The following ANGPT4 variants were observed in gnomAD, a reference collection of about 807,000 sequenced individuals.
ANGPT4 encodes angiopoietin-4.
In ANGPT4, 50 loss-of-function variants were observed where a neutral mutation model predicts 53.0. The observed-to-expected ratio is 0.94, with a 90% CI of 0.75 to 1.20. ANGPT4 has a LOEUF of 1.20. ANGPT4 is among the 50% of genes most tolerant of loss of function. The pLI, the probability that ANGPT4 is intolerant of heterozygous loss-of-function variation, is 0.00. For synonymous variants in ANGPT4, 251 were observed against 259.7 expected (o/e 0.97, Z 0.32); for missense variants, 648 against 637.1 (o/e 1.02, Z -0.18).
In ANGPT4 at chr20:879,738, C is replaced by G; in HGVS notation, c.1053+9G>C. ...GCAGAATGGCCCCTCCCCAAGGCAG[C>G]AGGGCTACCTGTTTGTAATCCTTCC... is the stretch of plus-strand genomic sequence containing the variant. On this transcript the variant is annotated intron_variant, in intron 6 of 8. Coordinates refer to ENST00000381922, the MANE Select transcript of ANGPT4 (RefSeq NM_015985.4). 1 of 1,611,148 alleles carries G rather than the reference C, an allele frequency of 6.2e-7. No homozygotes were observed. Among genetic ancestry groups the G allele is most frequent in the East Asian group, 2.2e-5 (1 of 44,734 alleles).
Position 871,706 on chromosome 20 carries a change from T to G in ANGPT4, c.*1254A>C, listed in dbSNP as rs1980948291. ...GACAGATGTCCTGCCTAACAGTCCC[T>G]GTAATTGAGCCTGGGGGAGTTGAGG... On this transcript the variant is annotated 3_prime_UTR_variant, in exon 9 of 9. Transcript: ENST00000381922. 1 of 152,174 alleles carries G rather than the reference T, an allele frequency of 6.6e-6. No individual in the cohort carries two copies. Among genetic ancestry groups the G allele is most frequent in the Non-Finnish European group, 1.5e-5 (1 of 68,044 alleles). 9.4% of individuals were successfully genotyped at this position (152,174 alleles called of 1,614,324 possible). A position where few individuals can be genotyped will look rare whatever the true frequency, so the allele number is the denominator to read the frequency against.
At position 911,855 on chromosome 20, in the gene ANGPT4, G is replaced by C. The variant is rs1407070744; in HGVS notation, c.309+4051C>G. On this transcript the variant is annotated intron_variant, in intron 1 of 8. Coordinates refer to ENST00000381922, the MANE Select transcript of ANGPT4 (RefSeq NM_015985.4). This position sits in a 1 kb window ranked among gnomAD's most constrained non-coding sequence, Gnocchi z 4.9. ...GAGAGGGAGAGAGGGACAGAGAGAG[G>C]GAGAGAGAGACAGAGAGAGGGAGAA... Among the ~76,000 whole-genome samples the C allele has an allele frequency of 1.3e-5, 1 of 74,074 alleles. No homozygotes were observed. The highest frequency in any genetic ancestry group is 3.6e-5 in the Non-Finnish European group (1 of 27,842). The allele number at this position is 74,074 out of a possible 152,430, so 48.6% of individuals were successfully genotyped here.
chr20:889,913 A>G (rs6086361), intron 2 of ANGPT4, among the ~76,000 whole-genome samples: 20,225 of 152,178 alleles, frequency 0.13, 2,070 homozygotes, highest in African/African-American at 0.28. Context: ...GCACATTGTA[A>G]GTCCTCTGAG....
intron 2 of ANGPT4, among the ~76,000 whole-genome samples, chr20:888,913 A>G (rs117579986): frequency 6.6e-6 from 1 of 152,160 alleles, no homozygotes; most frequent in South Asian, 2.1e-4. Flanking sequence ...GAAATGCCCC[A>G]GTTCTCACCA....
intron 1 of ANGPT4, among the ~76,000 whole-genome samples, chr20:912,969 G>A (rs1982763583): frequency 6.6e-6 from 1 of 152,104 alleles, no homozygotes; most frequent in Non-Finnish European, 1.5e-5. Context: ...TTCCCTCTCT[G>A]GCCTGTTTCC....
Position 872,890 on chromosome 20 carries a change from G to C in ANGPT4, c.*70C>G. On this transcript the variant is annotated 3_prime_UTR_variant, in exon 9 of 9. Coordinates refer to ENST00000381922, the MANE Select transcript of ANGPT4 (RefSeq NM_015985.4). ...GCGGTGGCACAGTGTCTTGCATCTG[G>C]GTCCAGGTTGTCCAGGAGTGCCAAG... is the stretch of plus-strand genomic sequence containing the variant. The C allele has an allele frequency of 1.3e-6, 2 of 1,583,616 alleles. No individual in the cohort carries two copies. Among genetic ancestry groups the C allele is most frequent in the Non-Finnish European group, 1.7e-6 (2 of 1,160,610 alleles).
chr20:896,059 G>A (rs1590871), intron 1 of ANGPT4, among the ~76,000 whole-genome samples: 75,442 of 151,876 alleles, frequency 0.5, 21,971 homozygotes, highest in African/African-American at 0.8. Flanking sequence ...TCATACCTCA[G>A]TAAAAAACAA....
intron 1 of ANGPT4, among the ~76,000 whole-genome samples, chr20:894,869 T>G (rs1255353152): frequency 6.6e-6 from 1 of 152,148 alleles, no homozygotes; most frequent in Admixed American, 6.5e-5. Context: ...TCAGGGCAGC[T>G]CAGGGTCCCC....
At chr20:875,032 C>CTT (rs199898878) in intron 7 of ANGPT4, among the ~76,000 whole-genome samples, 1 of 148,410 alleles carries the variant, frequency 6.7e-6, no homozygotes, top group African/African-American at 2.5e-5. Flanking sequence ...GTTTCTTTTT[C>CTT]TTTCTTTTTT....
rs1285649484 is a variant in ANGPT4 at position 911,079 on chromosome 20, T to C, written c.309+4827A>G. Among the ~76,000 whole-genome samples, 3 of 151,688 alleles carry C rather than the reference T, an allele frequency of 2.0e-5. No homozygotes were observed. In the South Asian group the frequency reaches 6.3e-4, roughly 32 times the overall value. ...ACTGAAGGCTGAAAATGCCAAGAATTTGTGGGCAGCCTGGGAAGGCTGGGG... is the reference window on the plus strand; with the variant it reads ...ACTGAAGGCTGAAAATGCCAAGAATCTGTGGGCAGCCTGGGAAGGCTGGGG... On this transcript the variant is annotated intron_variant, in intron 1 of 8. Coordinates refer to ENST00000381922, the MANE Select transcript of ANGPT4 (RefSeq NM_015985.4). This position sits in a 1 kb window ranked among gnomAD's most constrained non-coding sequence, Gnocchi z 4.9.
At chr20:878,398 C>T in intron 6 of ANGPT4, 71 bp from the exon 7 acceptor site, 1 of 1,471,658 alleles carries the variant, frequency 6.8e-7, no homozygotes, top group Admixed American at 2.0e-5. Flanking sequence ...AGGAGCTGGG[C>T]TGGGCCAGGC....
intron 6 of ANGPT4, 61 bp from the exon 7 acceptor site, chr20:878,388 AG>A: frequency 6.5e-7 from 1 of 1,529,798 alleles, no homozygotes; most frequent in South Asian, 1.2e-5. Context: ...TCCCTGGCTG[AG>A]GAGCTGGGCT....
rs1219837672 is a variant in ANGPT4 at position 914,729 on chromosome 20, G to C, written c.309+1177C>G. ...CCCTTTCCTTGGTAGCTCTCACTTA[G>C]GGACTCTGAAGAGTCCCATCTCAGA... On this transcript the variant is annotated intron_variant, in intron 1 of 8. Coordinates refer to ENST00000381922, the MANE Select transcript of ANGPT4 (RefSeq NM_015985.4). This position sits in a 1 kb window ranked among gnomAD's most constrained non-coding sequence, Gnocchi z 5.0. 2.0e-5 allele frequency among the ~76,000 whole-genome samples: 3 copies of C among 152,046 alleles called. No homozygotes were observed. Among genetic ancestry groups the C allele is most frequent in the Non-Finnish European group, 2.9e-5 (2 of 67,978 alleles).
intron 6 of ANGPT4, 74 bp downstream of exon 6, chr20:879,673 G>A: frequency 7.7e-7 from 1 of 1,300,978 alleles, no homozygotes; most frequent in Non-Finnish European, 1.1e-6. Flanking sequence ...GGGCAAAGCA[G>A]TCCCCTTCCA....
chr20:883,337 T>C (rs976932556), intron 4 of ANGPT4, among the ~76,000 whole-genome samples: 1 of 152,320 alleles, frequency 6.6e-6, no homozygotes, highest in African/African-American at 2.4e-5. Flanking sequence ...ACAAGTTTGG[T>C]CTTTTCTGCC....
intron 1 of ANGPT4, among the ~76,000 whole-genome samples, chr20:906,113 C>T (rs1314487179): frequency 6.6e-6 from 1 of 152,226 alleles, no homozygotes; most frequent in Non-Finnish European, 1.5e-5. Flanking sequence ...TCAGGACTGG[C>T]TGGCATGACT....
intron 4 of ANGPT4, among the ~76,000 whole-genome samples, chr20:882,608 G>A (rs533795852): frequency 6.6e-6 from 1 of 152,196 alleles, no homozygotes; most frequent in Admixed American, 6.5e-5. Flanking sequence ...CCACCTGTTG[G>A]CACCCCCTCA....
intron 2 of ANGPT4, among the ~76,000 whole-genome samples, chr20:888,719 G>T (rs1416851381): frequency 6.6e-6 from 1 of 152,164 alleles, no homozygotes; most frequent in South Asian, 2.1e-4. Flanking sequence ...TCATCTGCAG[G>T]TCCTGTCAGC....
chr20:884,174 C>T (rs1981517133), intron 4 of ANGPT4, among the ~76,000 whole-genome samples: 1 of 152,240 alleles, frequency 6.6e-6, no homozygotes, highest in Admixed American at 6.5e-5. Context: ...GTTCAAAAGC[C>T]TCCCATGCCC....
Sources: gnomAD v4.1 joint callset for allele counts (sites outside exome capture counted in the v4.1 genomes callset) on GRCh38, gnomAD v4.1.1 for gene constraint, Gnocchi (gnomAD v3.1) non-coding constraint, MANE v1.5 for transcripts, NCBI Gene and HGNC (gene_info 2026-07-23, HGNC 2026-07-21) for gene names.